Variants in SPATA6 observed in about 807,000 individuals in gnomAD.
The protein encoded by SPATA6 is spermatogenesis-associated protein 6.
SPATA6 carries 56 observed loss-of-function variants against 65.3 expected under a neutral mutation model. The ratio of observed to expected loss-of-function variants is 0.86; its 90% CI spans 0.69 to 1.07. The LOEUF (loss-of-function observed/expected upper bound fraction) is 1.07, where lower values mean the gene tolerates loss of function less well. Ranked by LOEUF, SPATA6 falls within the 50% of genes least tolerant of loss-of-function variation. The probability of loss-of-function intolerance (pLI) is 0.00; values close to 1 mark genes in which losing one functional copy is unlikely to be tolerated. For synonymous variants in SPATA6, 199 were observed against 213.2 expected (o/e 0.93, Z 0.58); for missense variants, 590 against 594.8 (o/e 0.99, Z 0.08).
intron 11 of SPATA6, among the ~76,000 whole-genome samples, chr1:48,345,362 T>C (rs1342428327): frequency 3.9e-5 from 6 of 152,164 alleles, no homozygotes; most frequent in African/African-American, 1.4e-4. Flanking sequence ...GGTAAATTTA[T>C]AGAACTAGAT....
chr1:48,338,248 T>C (rs539157418), intron 11 of SPATA6, among the ~76,000 whole-genome samples: 4 of 152,108 alleles, frequency 2.6e-5, no homozygotes, highest in Non-Finnish European at 5.9e-5. Context: ...TAAAGAAAGA[T>C]GCTAGGTCAT....
In SPATA6 at chr1:48,463,820, C is replaced by G. The variant is rs144641311; in HGVS notation, c.51+8138G>C. Among the ~76,000 whole-genome samples, 835 of 151,902 alleles carry G rather than the reference C, an allele frequency of 5.5e-3. 8 individuals carry two copies. The highest frequency in any genetic ancestry group is 0.019 in the African/African-American group (796 of 41,440). ...GACTCATAAAGCTAAAATCTCTCTA[C>G]AAATACAAATAAAAGATCCTAAATA... On this transcript the variant is annotated intron_variant, in intron 1 of 12. Coordinates refer to ENST00000371847, the MANE Select transcript of SPATA6 (RefSeq NM_019073.4).
At chr1:48,439,714 C>T (rs964228608) in intron 3 of SPATA6, among the ~76,000 whole-genome samples, 1 of 152,138 alleles carries the variant, frequency 6.6e-6, no homozygotes, top group Non-Finnish European at 1.5e-5. Context: ...CAGGCTCACC[C>T]TTGAAATGCA....
chr1:48,304,684 A>T (rs1295018606), intron 12 of SPATA6, among the ~76,000 whole-genome samples: 1 of 152,088 alleles, frequency 6.6e-6, no homozygotes, highest in Non-Finnish European at 1.5e-5. Context: ...CATCTTACTT[A>T]TATATAAGAA....
At chr1:48,310,052 A>ATG (rs1328785564) in intron 11 of SPATA6, among the ~76,000 whole-genome samples, 5 of 152,190 alleles carry the variant, frequency 3.3e-5, no homozygotes, top group Non-Finnish European at 5.9e-5. Context: ...AATCCCAGGA[A>ATG]TGTGTGGTAG....
intron 9 of SPATA6, among the ~76,000 whole-genome samples, chr1:48,369,582 T>A (rs945820849): frequency 6.6e-6 from 1 of 152,330 alleles, no homozygotes; most frequent in Admixed American, 6.5e-5. Flanking sequence ...CTCCGAGCCA[T>A]GTGTGGGATA....
intron 11 of SPATA6, 143 bp from the exon 12 acceptor site, chr1:48,306,021 G>A: frequency 3.3e-6 from 2 of 600,742 alleles, no homozygotes; most frequent in East Asian, 5.8e-5. Context: ...GTTTCTTTGG[G>A]GGGAAAAAGG....
At chr1:48,308,748 A>G (rs1645124782) in intron 11 of SPATA6, among the ~76,000 whole-genome samples, 1 of 152,136 alleles carries the variant, frequency 6.6e-6, no homozygotes, top group Non-Finnish European at 1.5e-5. Flanking sequence ...AGTACATTGA[A>G]TATATCATTA....
rs1644850546 is a variant in SPATA6, at chr1:48,298,309, A to G, written c.*404T>C. ...GTTCATCACCAAGAAAAGGTAGTCA[A>G]TATTAATTAAATCTTACACAGGCAA... is the stretch of plus-strand genomic sequence containing the variant. On this transcript the variant is annotated 3_prime_UTR_variant, in exon 13 of 13. Transcript: ENST00000371847. 1 of 153,804 alleles carries G rather than the reference A, an allele frequency of 6.5e-6. No homozygotes were observed. The highest frequency in any genetic ancestry group is 1.9e-4 in the East Asian group (1 of 5,264). The allele number at this position is 153,804 out of a possible 1,614,324, so 9.5% of individuals were successfully genotyped here.
chr1:48,446,187 C>A (rs1401528507), intron 3 of SPATA6, among the ~76,000 whole-genome samples: 2 of 152,280 alleles, frequency 1.3e-5, no homozygotes, highest in African/African-American at 4.8e-5. Context: ...AAGCCCTCTT[C>A]CCCAGTGTTG....
chr1:48,304,822 G>GT (rs1343931572), intron 12 of SPATA6, among the ~76,000 whole-genome samples: 2 of 152,130 alleles, frequency 1.3e-5, no homozygotes, highest in Non-Finnish European at 2.9e-5. Flanking sequence ...AATTATATGG[G>GT]TTAAGCACCC....
At chr1:48,316,201 A>C (rs148213110) in intron 11 of SPATA6, among the ~76,000 whole-genome samples, 14,950 of 152,186 alleles carry the variant, frequency 0.098, 887 homozygotes, top group South Asian at 0.17. Flanking sequence ...TCATATGGAA[A>C]CAAAAAGGAG....
Position 48,427,964 on chromosome 1 carries a change from A to G in SPATA6, c.239-14813T>C, listed in dbSNP as rs527656688. Among the ~76,000 whole-genome samples the G allele has an allele frequency of 3.4e-4, 52 of 152,254 alleles. 1 individual carries two copies. Among genetic ancestry groups the G allele is most frequent in the Non-Finnish European group, 4.4e-5 (3 of 68,014 alleles). The stretch of plus-strand genomic sequence containing the variant: ...TACCCAGTGTTTAGCTCCTACTTGT[A>G]AGAGAGAACACACTGTATTTGGTTT... On this transcript the variant is annotated intron_variant, in intron 3 of 12. Coordinates refer to ENST00000371847, the MANE Select transcript of SPATA6 (RefSeq NM_019073.4).
At chr1:48,436,498 A>G in intron 3 of SPATA6, 1 of 1,610,924 alleles carries the variant, frequency 6.2e-7, no homozygotes, top group Non-Finnish European at 8.5e-7. Context: ...TCTGTACCAA[A>G]ATGGCTGTAT....
At position 48,298,272 on chromosome 1, in the gene SPATA6, G is replaced by A. The variant is rs757483075; in HGVS notation, c.*441C>T. The stretch of plus-strand genomic sequence containing the variant: ...CCCTTAGGAAATTCATTTCTGTATA[G>A]GATATCATTTTGTTCATCACCAAGA... On this transcript the variant is annotated 3_prime_UTR_variant, in exon 13 of 13. Coordinates refer to ENST00000371847, the MANE Select transcript of SPATA6 (RefSeq NM_019073.4). 1 of 152,650 alleles carries A rather than the reference G, an allele frequency of 6.6e-6. No homozygotes were observed. Among genetic ancestry groups the A allele is most frequent in the Non-Finnish European group, 1.5e-5 (1 of 68,414 alleles). The allele number at this position is 152,650 out of a possible 1,614,324, so 9.5% of individuals were successfully genotyped here. A position where few individuals can be genotyped will look rare whatever the true frequency, so the allele number is the denominator to read the frequency against.
In SPATA6 at chr1:48,321,520, A is replaced by C. The variant is rs185480079; in HGVS notation, c.1195-15642T>G. ...ATCCAACATTGGAGCAACCAGATAT[A>C]TAAAGCAAATATTATTAGAGCTAAA... On this transcript the variant is annotated intron_variant, in intron 11 of 12. Transcript: ENST00000371847. Among the ~76,000 whole-genome samples, 407 of 152,320 alleles carry C rather than the reference A, an allele frequency of 2.7e-3. 4 individuals are homozygous for C. The highest frequency in any genetic ancestry group is 0.014 in the Middle Eastern group (4 of 294).
intron 11 of SPATA6, among the ~76,000 whole-genome samples, chr1:48,341,478 A>G (rs1646213382): frequency 6.6e-6 from 1 of 152,182 alleles, no homozygotes; most frequent in African/African-American, 2.4e-5. Flanking sequence ...CTAAGCAGCC[A>G]TCTCAGCTAT....
In SPATA6 at chr1:48,369,620, C is replaced by T. The variant is rs567265941; in HGVS notation, c.910-9850G>A. On this transcript the variant is annotated intron_variant, in intron 9 of 12. Coordinates refer to ENST00000371847, the MANE Select transcript of SPATA6 (RefSeq NM_019073.4). ...ATCTCCTGGTGTGCCGTTTTTTAAG[C>T]CCGTCGGAAAAGCGCAGTAGTGGGG... 7.2e-5 allele frequency among the ~76,000 whole-genome samples: 11 copies of T among 152,328 alleles called. No homozygotes were observed. The South Asian group carries it at 2.3e-3, about 32-fold the overall frequency.
In SPATA6 at chr1:48,445,587, G is replaced by C. The variant is rs568909889; in HGVS notation, c.238+5965C>G. ...AGGCAGGAGAATGGCGTGAACCCAGGAGGCGGAGCTTGCAGTGAGCCGAGA... is the reference window on the plus strand; with the variant it reads ...AGGCAGGAGAATGGCGTGAACCCAGCAGGCGGAGCTTGCAGTGAGCCGAGA... On this transcript the variant is annotated intron_variant, in intron 3 of 12. Transcript: ENST00000371847. 8.1e-4 allele frequency among the ~76,000 whole-genome samples: 121 copies of C among 149,456 alleles called. 1 individual carries two copies. The highest frequency in any genetic ancestry group is 2.9e-3 in the African/African-American group (118 of 40,388).
Sources: allele counts gnomAD v4.1 joint callset (sites outside exome capture counted in the v4.1 genomes callset), GRCh38; gene constraint gnomAD v4.1.1; transcripts MANE v1.5; gene names NCBI Gene and HGNC (gene_info 2026-07-23, HGNC 2026-07-21).